The following PLEKHG1 variants were observed in gnomAD, a reference collection of about 807,000 sequenced individuals.
PLEKHG1 encodes pleckstrin homology and RhoGEF domain containing G1.
A neutral mutation model predicts 100.8 loss-of-function variants in PLEKHG1; 44 were observed. That is an observed-to-expected ratio of 0.44 (90% CI 0.34 to 0.56). PLEKHG1 has a LOEUF of 0.56. Ranked by LOEUF, PLEKHG1 falls within the 20% of genes least tolerant of loss-of-function variation. PLEKHG1 has a pLI of 0.01. For missense variants in PLEKHG1, 1,545 were observed against 1,720.9 expected (o/e 0.90, Z 1.81); for synonymous variants, 640 against 662.5 (o/e 0.97, Z 0.52).
intron 2 of PLEKHG1, among the ~76,000 whole-genome samples, chr6:150,739,355 A>G (rs1486703354): frequency 1.3e-5 from 2 of 152,126 alleles, no homozygotes; most frequent in African/African-American, 4.8e-5. Flanking sequence ...TTATCCATAA[A>G]GTGTATTTTA....
intron 2 of PLEKHG1, among the ~76,000 whole-genome samples, chr6:150,748,962 T>G (rs775210863): frequency 6.6e-6 from 1 of 152,100 alleles, no homozygotes; most frequent in Non-Finnish European, 1.5e-5. Context: ...ACCTGCAGTT[T>G]CTTCATCTTA....
rs151040020 is a variant in PLEKHG1 at position 150,740,385 on chromosome 6, C to T, written c.411+6293C>T. ...ATAGGCATTCCCTGGCCCAGCCTTA[C>T]CTGCTTAGGATGCTGGACTAAAAGA... is the stretch of plus-strand genomic sequence containing the variant. On this transcript the variant is annotated intron_variant, in intron 2 of 15. Transcript: ENST00000358517. Among the ~76,000 whole-genome samples, 57 of 152,348 alleles carry T rather than the reference C, an allele frequency of 3.7e-4. 2 individuals are homozygous for T. In the East Asian group the frequency reaches 0.011, roughly 28 times the overall value.
intron 14 of PLEKHG1, among the ~76,000 whole-genome samples, chr6:150,829,359 A>G (rs1362742309): frequency 6.6e-6 from 1 of 152,180 alleles, no homozygotes. Context: ...CAGGCCTATA[A>G]TCCTAGCACT....
chr6:150,810,853 G>A (rs139747201), intron 10 of PLEKHG1, among the ~76,000 whole-genome samples: 13 of 152,096 alleles, frequency 8.5e-5, no homozygotes, highest in African/African-American at 2.7e-4. Context: ...CCCAGGAGGC[G>A]GAGGTTGCAG....
intron 3 of PLEKHG1, among the ~76,000 whole-genome samples, chr6:150,715,897 A>G (rs1781410936): frequency 6.8e-6 from 1 of 147,844 alleles, no homozygotes; most frequent in Non-Finnish European, 1.5e-5. Flanking sequence ...TCACGAGGTC[A>G]GGAGATCGAG....
exon 16 of PLEKHG1, chr6:150,840,559 A>C: frequency 6.2e-7 from 1 of 1,614,230 alleles, no homozygotes; most frequent in Non-Finnish European, 8.5e-7. Context: ...AAAGAGACTG[A>C]TGGAGATGAA....
chr6:150,695,230 G>A (rs1780498871), intron 3 of PLEKHG1, among the ~76,000 whole-genome samples: 1 of 152,050 alleles, frequency 6.6e-6, no homozygotes, highest in Non-Finnish European at 1.5e-5. Context: ...TCAATGGTTT[G>A]TGCTTCTAGA....
At position 150,613,876 on chromosome 6, in the gene PLEKHG1, G is replaced by A. The variant is rs529487160; in HGVS notation, c.-204+13859G>A. Among the ~76,000 whole-genome samples the A allele has an allele frequency of 2.6e-4, 40 of 152,246 alleles. 1 individual carries two copies. In the South Asian group the frequency reaches 6.6e-3, roughly 25 times the overall value. On this transcript the variant is annotated intron_variant, in intron 1 of 3. Transcript: ENST00000367326. Reference sequence around the variant, plus strand: ...AGGCCACTGGTTTATCTAGGTCTGCGTTTTTTCTCGTTTATCCAACTGAGA... The same window carrying A: ...AGGCCACTGGTTTATCTAGGTCTGCATTTTTTCTCGTTTATCCAACTGAGA...
chr6:150,779,447 G>T (rs1287689475), intron 3 of PLEKHG1, among the ~76,000 whole-genome samples: 1 of 148,264 alleles, frequency 6.7e-6, no homozygotes, highest in Non-Finnish European at 1.5e-5. Flanking sequence ...TTGGGTTCAC[G>T]TGATTCTCCT....
At chr6:150,816,140 C>T in intron 10 of PLEKHG1, among the ~76,000 whole-genome samples, 1 of 152,026 alleles carries the variant, frequency 6.6e-6, no homozygotes, top group Non-Finnish European at 1.5e-5. Flanking sequence ...AGCGACACCC[C>T]AAGTGTGTTG....
At chr6:150,763,991 C>T (rs142687408) in intron 2 of PLEKHG1, among the ~76,000 whole-genome samples, 1 of 152,262 alleles carries the variant, frequency 6.6e-6, no homozygotes, top group African/African-American at 2.4e-5. Flanking sequence ...TCTCCACATC[C>T]CATTAAATAC....
intron 1 of PLEKHG1, among the ~76,000 whole-genome samples, chr6:150,722,385 G>A (rs7775783): frequency 1.7e-5 from 2 of 114,478 alleles, no homozygotes; most frequent in East Asian, 2.6e-4. Flanking sequence ...ACTGAGTCTC[G>A]CTCTGTCACC....
chr6:150,636,648 T>C (rs1184914005), intron 1 of PLEKHG1, among the ~76,000 whole-genome samples: 2 of 152,218 alleles, frequency 1.3e-5, no homozygotes, highest in Non-Finnish European at 2.9e-5. Context: ...AAATCTCTTA[T>C]TTAATTATTT....
rs78421378 is a variant in PLEKHG1, at chr6:150,703,708, T to C, written c.-98-29876T>C. Among the ~76,000 whole-genome samples, 352 of 152,290 alleles carry C rather than the reference T, an allele frequency of 2.3e-3. 3 individuals are homozygous for C. The highest frequency in any genetic ancestry group is 8.2e-3 in the African/African-American group (339 of 41,550). ...TCTGCTTTTCTGTTAAATTGTACCTTAATTTGGAAGCATGGAACATTCTTG... is the reference window on the plus strand; with the variant it reads ...TCTGCTTTTCTGTTAAATTGTACCTCAATTTGGAAGCATGGAACATTCTTG... On this transcript the variant is annotated intron_variant, in intron 3 of 3. Transcript: ENST00000367326.
At chr6:150,656,162 G>A (rs1432642727) in intron 3 of PLEKHG1, among the ~76,000 whole-genome samples, 3 of 152,066 alleles carry the variant, frequency 2.0e-5, no homozygotes, top group Admixed American at 6.5e-5. Flanking sequence ...CCTTAAGGTG[G>A]TATAGGGACT....
At chr6:150,807,354 C>T (rs1018865773) in intron 7 of PLEKHG1, among the ~76,000 whole-genome samples, 3 of 152,126 alleles carry the variant, frequency 2.0e-5, no homozygotes, top group Non-Finnish European at 2.9e-5. Flanking sequence ...GTTTTTCATA[C>T]TGTGTGAAGC....
intron 1 of PLEKHG1, among the ~76,000 whole-genome samples, chr6:150,732,085 C>T (rs1040419908): frequency 6.6e-6 from 1 of 151,848 alleles, no homozygotes; most frequent in Non-Finnish European, 1.5e-5. Flanking sequence ...CCTCAGCCTC[C>T]CGAGTAGCTG....
chr6:150,832,119 A>G (rs1475113857), exon 15 of PLEKHG1: 1 of 1,614,008 alleles, frequency 6.2e-7, no homozygotes, highest in Non-Finnish European at 8.5e-7. Flanking sequence ...GAGCTGGAGC[A>G]GCCGCCGGCC....
At chr6:150,676,490 G>A (rs1221524519) in intron 3 of PLEKHG1, among the ~76,000 whole-genome samples, 1 of 152,156 alleles carries the variant, frequency 6.6e-6, no homozygotes, top group Non-Finnish European at 1.5e-5. Context: ...TAATCCTTTT[G>A]GAGAAAACCT....
Sources: gnomAD v4.1 joint callset for allele counts (sites outside exome capture counted in the v4.1 genomes callset) on GRCh38, gnomAD v4.1.1 for gene constraint, MANE v1.5 for transcripts, NCBI Gene and HGNC (gene_info 2026-07-23, HGNC 2026-07-21) for gene names.